The following SMURF2 variants were observed in gnomAD, a reference collection of about 807,000 sequenced individuals.
The protein encoded by SMURF2 is SMAD specific E3 ubiquitin protein ligase 2.
A neutral mutation model predicts 109.6 loss-of-function variants in SMURF2; 48 were observed. The ratio of observed to expected loss-of-function variants is 0.44; its 90% CI spans 0.35 to 0.56. The LOEUF (loss-of-function observed/expected upper bound fraction) is 0.56, where lower values mean the gene tolerates loss of function less well. SMURF2 is among the 20% of genes least tolerant of loss of function. SMURF2 has a pLI of 0.01. For synonymous variants in SMURF2, 288 were observed against 317.1 expected (o/e 0.91, Z 0.97); for missense variants, 575 against 909.0 (o/e 0.63, Z 4.72).
chr17:64,621,878 A>AAAATAAAT (rs782177558), intron 1 of SMURF2, among the ~76,000 whole-genome samples: 2 of 144,748 alleles, frequency 1.4e-5, no homozygotes, highest in Non-Finnish European at 3.0e-5. Context: ...ACTCTCTCTC[A>AAAATAAAT]AAATAAATAA....
chr17:64,575,211 CG>C (rs1274790830), intron 9 of SMURF2, among the ~76,000 whole-genome samples: 7 of 151,398 alleles, frequency 4.6e-5, no homozygotes, highest in Admixed American at 4.6e-4. Flanking sequence ...TGGAGTGCCA[CG>C]GTGCGATCTC....
At chr17:64,563,927 C>CA (rs1208504798) in intron 10 of SMURF2, among the ~76,000 whole-genome samples, 1 of 152,058 alleles carries the variant, frequency 6.6e-6, no homozygotes, top group African/African-American at 2.4e-5. Context: ...TGCTGCTCTT[C>CA]AAAAGACACT....
intron 3 of SMURF2, among the ~76,000 whole-genome samples, chr17:64,594,852 C>T (rs1466666297): frequency 2.0e-5 from 3 of 151,886 alleles, no homozygotes; most frequent in South Asian, 2.1e-4. Context: ...TAGCCAGGCA[C>T]GGTGGCATGC....
chr17:64,634,265 C>G (rs1250093839), intron 1 of SMURF2, among the ~76,000 whole-genome samples: 1 of 152,216 alleles, frequency 6.6e-6, no homozygotes, highest in Non-Finnish European at 1.5e-5. Context: ...CCCTCATTTT[C>G]AGCTGGGCAT....
At position 64,605,871 on chromosome 17, in the gene SMURF2, A is replaced by G. The variant is rs1555689004; in HGVS notation, c.91+731T>C. ...GTGACTTGAATTTAAAAATTTAATG[A>G]ATCATCTCTATTCTAATTTCAAATG... On this transcript the variant is annotated intron_variant, in intron 2 of 18. Coordinates refer to ENST00000262435, the MANE Select transcript of SMURF2 (RefSeq NM_022739.4). 2.0e-5 allele frequency among the ~76,000 whole-genome samples: 3 copies of G among 149,764 alleles called. No homozygotes were observed. In the East Asian group the frequency reaches 5.8e-4, roughly 29 times the overall value.
intron 16 of SMURF2, among the ~76,000 whole-genome samples, chr17:64,548,310 C>T (rs1177004728): frequency 6.6e-6 from 1 of 152,142 alleles, no homozygotes; most frequent in Non-Finnish European, 1.5e-5. Flanking sequence ...ATCCATTTCA[C>T]TACATCCTGG....
At chr17:64,555,762 C>G in intron 14 of SMURF2, 58 bp downstream of exon 14, 2 of 1,240,974 alleles carry the variant, frequency 1.6e-6, no homozygotes, top group Middle Eastern at 2.2e-4. Context: ...AGTTTTGAAA[C>G]ATATTTTTTT....
At chr17:64,552,701 TTTA>T (rs1555683722) in intron 15 of SMURF2, among the ~76,000 whole-genome samples, 1 of 152,162 alleles carries the variant, frequency 6.6e-6, no homozygotes, top group Non-Finnish European at 1.5e-5. Context: ...TTGTTCTTTT[TTTA>T]TTATTTTTAA....
chr17:64,562,604 GC>G (rs1286096855), intron 11 of SMURF2, among the ~76,000 whole-genome samples, 166 bp downstream of exon 11: 3 of 151,856 alleles, frequency 2.0e-5, no homozygotes, highest in Admixed American at 6.6e-5. Context: ...GCCTCGAGCT[GC>G]GACCTCAGGT....
chr17:64,618,162 G>A (rs907002794), intron 1 of SMURF2, among the ~76,000 whole-genome samples: 1 of 152,208 alleles, frequency 6.6e-6, no homozygotes, highest in South Asian at 2.1e-4. Context: ...GCTGGGTGCG[G>A]TGGCTTACGC....
intron 1 of SMURF2, among the ~76,000 whole-genome samples, chr17:64,638,104 C>T (rs1970447326): frequency 6.8e-6 from 1 of 146,258 alleles, no homozygotes. Context: ...ACTCTGTTGC[C>T]CAGGCTGGAG....
intron 1 of SMURF2, among the ~76,000 whole-genome samples, chr17:64,645,240 A>G (rs909303760): frequency 1.3e-5 from 2 of 152,232 alleles, no homozygotes; most frequent in African/African-American, 4.8e-5. Context: ...ATATTTAATA[A>G]ATCTGTTTTC....
At chr17:64,586,314 T>C in intron 5 of SMURF2, 144 bp from the exon 6 acceptor site, 1 of 524,742 alleles carries the variant, frequency 1.9e-6, no homozygotes, top group Non-Finnish European at 3.3e-6. Context: ...AAATTTATAA[T>C]TTCTTTTCCC....
intron 9 of SMURF2, 93 bp downstream of exon 9, chr17:64,578,399 A>G: frequency 1.2e-6 from 1 of 833,692 alleles, no homozygotes; most frequent in Non-Finnish European, 1.9e-6. Flanking sequence ...TACATAAACT[A>G]TTTTTAAAAG....
chr17:64,628,559 C>T (rs182612885), intron 1 of SMURF2, among the ~76,000 whole-genome samples: 29 of 152,184 alleles, frequency 1.9e-4, no homozygotes, highest in Admixed American at 1.3e-3. Flanking sequence ...TAAATTACCG[C>T]GGCCACTTTG....
At chr17:64,582,543 G>A (rs551500227) in intron 7 of SMURF2, among the ~76,000 whole-genome samples, 38 of 152,216 alleles carry the variant, frequency 2.5e-4, no homozygotes, top group African/African-American at 6.7e-4. Flanking sequence ...TCAAGATTTA[G>A]TTCAGAGATT....
chr17:64,561,100 A>G (rs1969210220), intron 12 of SMURF2: 1 of 177,276 alleles, frequency 5.6e-6, no homozygotes, highest in African/African-American at 2.4e-5. Flanking sequence ...GTGTATACAC[A>G]CATGCATGCA....
At chr17:64,550,707 G>T (rs980000715) in intron 16 of SMURF2, among the ~76,000 whole-genome samples, 4 of 149,922 alleles carry the variant, frequency 2.7e-5, no homozygotes, top group Non-Finnish European at 5.9e-5. Flanking sequence ...TTGAATCCAG[G>T]AGGTGGAGGT....
chr17:64,567,097 A>T (rs1969325205), intron 10 of SMURF2, among the ~76,000 whole-genome samples: 1 of 151,822 alleles, frequency 6.6e-6, no homozygotes, highest in Admixed American at 6.6e-5. Context: ...GCCTCAAGTG[A>T]TCTACCCGCC....
Sources: gnomAD v4.1 joint callset for allele counts (sites outside exome capture counted in the v4.1 genomes callset) on GRCh38, gnomAD v4.1.1 for gene constraint, MANE v1.5 for transcripts, NCBI Gene and HGNC (gene_info 2026-07-23, HGNC 2026-07-21) for gene names.